SLC4A4: variants seen among roughly 807,000 people sequenced by gnomAD.
SLC4A4 encodes the protein solute carrier family 4 member 4.
A neutral mutation model predicts 111.5 loss-of-function variants in SLC4A4; 27 were observed. The observed-to-expected ratio is 0.24, with a 90% CI of 0.18 to 0.33. The LOEUF is 0.33. Ranked by LOEUF, SLC4A4 falls within the 10% of genes least tolerant of loss-of-function variation. SLC4A4 has a pLI of 1.00. For missense variants in SLC4A4, 909 were observed against 1,315.5 expected (o/e 0.69, Z 4.78); for synonymous variants, 443 against 463.4 (o/e 0.96, Z 0.57).
intron 11 of SLC4A4, 104 bp from the exon 12 acceptor site, chr4:71,453,391 C>A: frequency 8.8e-7 from 1 of 1,141,478 alleles, no homozygotes; most frequent in Non-Finnish European, 1.3e-6. Context: ...GTCACTGATT[C>A]AAGCATTTTA....
At chr4:71,163,778 A>G (rs1744666951) in intron 2 of SLC4A4, among the ~76,000 whole-genome samples, 1 of 152,236 alleles carries the variant, frequency 6.6e-6, no homozygotes, top group African/African-American at 2.4e-5. Context: ...ACAGTGGCAG[A>G]ACTGAGTAGT....
intron 1 of SLC4A4, among the ~76,000 whole-genome samples, chr4:71,078,286 T>C (rs1043128555): frequency 5.3e-5 from 8 of 152,184 alleles, no homozygotes; most frequent in African/African-American, 1.9e-4. Context: ...TGACAGATTT[T>C]TTTTTCCATG....
chr4:71,452,097 G>C (rs961802954), intron 11 of SLC4A4, among the ~76,000 whole-genome samples: 3 of 2,112 alleles, frequency 1.4e-3, no homozygotes, highest in Non-Finnish European at 6.8e-3. Context: ...AAACACTGCA[G>C]GGTTTTTTTT....
chr4:71,382,366 A>G (rs988192626), intron 6 of SLC4A4, among the ~76,000 whole-genome samples: 4 of 152,152 alleles, frequency 2.6e-5, no homozygotes, highest in Admixed American at 2.0e-4. Flanking sequence ...GGGCCTTGTC[A>G]TGAACATTCT....
rs1242024577 is a variant in SLC4A4 at position 71,410,061 on chromosome 4, T to A, written c.807+12408T>A. 2.6e-5 allele frequency among the ~76,000 whole-genome samples: 4 copies of A among 152,200 alleles called. No homozygotes were observed. In the South Asian group the frequency reaches 8.3e-4, roughly 31 times the overall value. ...CTAGATTTCAGAAGATGTATGGAAA[T>A]GCCTGGATGCCCAGGCAAAAGTTTG... is the stretch of plus-strand genomic sequence containing the variant. On this transcript the variant is annotated intron_variant, in intron 7 of 25. Transcript: ENST00000264485.
intron 1 of SLC4A4, chr4:71,236,071 G>C: frequency 3.0e-6 from 3 of 999,428 alleles, no homozygotes; most frequent in Non-Finnish European, 3.6e-6. Context: ...CTGTGCACTA[G>C]CCTACCTCCC....
chr4:71,153,308 C>T (rs1210689123), intron 2 of SLC4A4, among the ~76,000 whole-genome samples: 1 of 152,028 alleles, frequency 6.6e-6, no homozygotes, highest in Non-Finnish European at 1.5e-5. Flanking sequence ...CCTTTCCCAG[C>T]CCACTGACTT....
chr4:71,318,537 A>G (rs541916348), intron 3 of SLC4A4, among the ~76,000 whole-genome samples: 3 of 152,172 alleles, frequency 2.0e-5, no homozygotes, highest in African/African-American at 7.2e-5. Flanking sequence ...ATTTAGGCAT[A>G]TTTTATATTA....
At chr4:71,191,259 C>G (rs1463961647) in intron 1 of SLC4A4, among the ~76,000 whole-genome samples, 1 of 152,192 alleles carries the variant, frequency 6.6e-6, no homozygotes, top group Non-Finnish European at 1.5e-5. Context: ...AGCCTCTGTA[C>G]TGGAAAAAGA....
rs144673703 is a variant in SLC4A4, at chr4:71,392,785, G to A, written c.731-4792G>A. 7.7e-3 allele frequency among the ~76,000 whole-genome samples: 1,177 copies of A among 152,022 alleles called. 17 individuals are homozygous for A. The highest frequency in any genetic ancestry group is 0.025 in the African/African-American group (1,031 of 41,510). ...CCTTAACAAAATACTAGCTAACCGA[G>A]TCCAACAACATATCAAAAAGATAAT... On this transcript the variant is annotated intron_variant, in intron 6 of 25. Transcript: ENST00000264485.
chr4:71,523,209 G>A (rs1361801670), intron 16 of SLC4A4, among the ~76,000 whole-genome samples: 1 of 150,042 alleles, frequency 6.7e-6, no homozygotes, highest in African/African-American at 2.4e-5. Flanking sequence ...ATCTTGGGTG[G>A]CATTTGTCTT....
intron 2 of SLC4A4, among the ~76,000 whole-genome samples, chr4:71,120,959 G>A (rs1001223921): frequency 4.6e-5 from 7 of 152,218 alleles, no homozygotes; most frequent in African/African-American, 1.4e-4. Flanking sequence ...AGGGCAGCAC[G>A]CCGCCCTCGC....
At chr4:71,187,431 A>T (rs1238557639) in intron 1 of SLC4A4, 30 bp downstream of exon 1, 1 of 151,546 alleles carries the variant, frequency 6.6e-6, no homozygotes, top group African/African-American at 2.4e-5. Context: ...AGCTGCCGGG[A>T]GGGTCGATGG....
At chr4:71,070,069 T>G (rs1371536214) in intron 1 of SLC4A4, among the ~76,000 whole-genome samples, 1 of 152,188 alleles carries the variant, frequency 6.6e-6, no homozygotes, top group Non-Finnish European at 1.5e-5. Context: ...TTTATATGTT[T>G]ATGTTTGTCT....
rs143892046 is a variant in SLC4A4 at position 71,223,349 on chromosome 4, G to A, written c.-1-13227G>A. ...CACCCCCGCGCCTGTCTAATTTTTT[G>A]TATTTTTAGCAGAGACGGGTTTTCA... On this transcript the variant is annotated intron_variant, in intron 1 of 25. Transcript: ENST00000264485. Among the ~76,000 whole-genome samples, 37 of 151,782 alleles carry A rather than the reference G, an allele frequency of 2.4e-4. No individual in the cohort carries two copies. The East Asian group carries it at 7.0e-3, about 29-fold the overall frequency.
At chr4:71,461,694 T>TA (rs1335489090) in intron 12 of SLC4A4, among the ~76,000 whole-genome samples, 2 of 152,170 alleles carry the variant, frequency 1.3e-5, no homozygotes, top group Non-Finnish European at 2.9e-5. Flanking sequence ...TTTCTTTTAG[T>TA]AAAAAATATG....
At chr4:71,457,475 C>T (rs1346937566) in intron 12 of SLC4A4, among the ~76,000 whole-genome samples, 1 of 152,124 alleles carries the variant, frequency 6.6e-6, no homozygotes, top group African/African-American at 2.4e-5. Context: ...CTGAACCACT[C>T]AGCCAAGAGT....
chr4:71,520,165 C>T (rs1304051343), intron 16 of SLC4A4, among the ~76,000 whole-genome samples: 1 of 152,178 alleles, frequency 6.6e-6, no homozygotes, highest in African/African-American at 2.4e-5. Flanking sequence ...GTTCCTTCCT[C>T]ACACCAACAA....
rs1395759580 is a variant in SLC4A4, at chr4:71,092,749, A to G, written c.-45A>G. ...TTACAGATACCCATAATTGTGTTGT[A>G]ACTTCTTCTGGCTATAAACCTGAGC... On this transcript the variant is annotated 5_prime_UTR_variant, in exon 2 of 27. Transcript: ENST00000649996. 3.9e-5 allele frequency among the ~76,000 whole-genome samples: 6 copies of G among 152,224 alleles called. No individual in the cohort carries two copies. The East Asian group carries it at 1.2e-3, about 29-fold the overall frequency.
Sources: gnomAD v4.1 joint callset for allele counts (sites outside exome capture counted in the v4.1 genomes callset) on GRCh38, gnomAD v4.1.1 for gene constraint, MANE v1.5 for transcripts, NCBI Gene and HGNC (gene_info 2026-07-23, HGNC 2026-07-21) for gene names.